DHRS7: variants seen among roughly 807,000 people sequenced by gnomAD.
DHRS7 encodes dehydrogenase/reductase SDR family member 7.
In DHRS7, 34 loss-of-function variants were observed where a neutral mutation model predicts 38.9. The observed-to-expected ratio is 0.87, with a 90% CI of 0.66 to 1.16. The LOEUF (loss-of-function observed/expected upper bound fraction) is 1.16. Among genes scored for constraint, DHRS7 ranks in the 50% most tolerant of loss-of-function variants. The pLI is 0.00. For missense variants in DHRS7, 421 were observed against 407.0 expected (o/e 1.03, Z -0.30); for synonymous variants, 158 against 153.1 (o/e 1.03, Z -0.24).
upstream of DHRS7, among the ~76,000 whole-genome samples, chr14:60,167,562 G>A (rs1488872185): frequency 3.3e-5 from 5 of 152,376 alleles, no homozygotes; most frequent in Admixed American, 3.3e-4. Context: ...GGTCAGCTAA[G>A]ATGAAGGCAG....
rs1896845519 is a variant in DHRS7 at position 60,165,262 on chromosome 14, G to A, written c.48C>T (p.Leu16=). The change falls in exon 1 of 7, where the codon CTC becomes CTT. Residue 16 remains leucine (L), a synonymous_variant. Transcript: ENST00000557185. This position sits in a 1 kb window ranked among gnomAD's most constrained non-coding sequence, Gnocchi z 4.6. The stretch of plus-strand genomic sequence containing the variant: ...AGCGCAGCAGCTGCACCAAGAGCAG[G>A]AGCAGCGCGCACAGCACCAGCAGCC... The part of the protein sequence containing the change: ...LLWLLVLCAL[L]LLLVQLLRFL... The A allele has an allele frequency of 6.2e-7, 1 of 1,605,632 alleles. No individual in the cohort carries two copies. Among genetic ancestry groups the A allele is most frequent in the African/African-American group, 1.3e-5 (1 of 74,996 alleles).
rs774460403 is a variant in DHRS7 at position 60,148,248 on chromosome 14, GTA to G, written c.972+1103_972+1104del. The G allele has an allele frequency of 6.6e-6, 1 of 152,104 alleles. No homozygotes were observed. The highest frequency in any genetic ancestry group is 1.9e-4 in the East Asian group (1 of 5,186). 9.4% of individuals were successfully genotyped at this position (152,104 alleles called of 1,614,324 possible). Reference sequence around the variant, plus strand: ...TAGTGGATTGCTTAAATTTTTGCAGGTATATATAGTATGATCTTGTTTTATAA... The same window carrying G: ...TAGTGGATTGCTTAAATTTTTGCAGGTATATAGTATGATCTTGTTTTATAA... On this transcript the variant is annotated intron_variant, in intron 6 of 6. Transcript: ENST00000557185. This position sits in a 1 kb window ranked among gnomAD's most constrained non-coding sequence, Gnocchi z 4.8.
In DHRS7 at chr14:60,149,421, G is replaced by A. The variant is rs922812738; in HGVS notation, c.904C>T (p.Pro302Ser). 2 of 1,613,990 alleles carry A rather than the reference G, an allele frequency of 1.2e-6. No homozygotes were observed. Among genetic ancestry groups the A allele is most frequent in the Admixed American group, 3.3e-5 (2 of 59,988 alleles). The change falls in exon 6 of 7, where the codon CCA becomes TCA. Residue 302 changes from proline (P) to serine (S), a missense_variant. Pro to Ser is a moderately conservative substitution (Grantham distance 74, BLOSUM62 -1). Transcript: ENST00000557185. ...LLVTYLWQYM[P>S]TWAWWITNKM... Reference sequence around the variant, plus strand: ...TTGGTTATCCACCAGGCCCAGGTTGGCATGTATTGCCACAAATATGTTACT... The same window carrying A: ...TTGGTTATCCACCAGGCCCAGGTTGACATGTATTGCCACAAATATGTTACT...
In DHRS7 at chr14:60,165,353, A is replaced by C. The variant is rs1307713899; in HGVS notation, c.-44T>G. 3.2e-6 allele frequency: 5 copies of C among 1,544,796 alleles called. No individual in the cohort carries two copies. The highest frequency in any genetic ancestry group is 3.5e-6 in the Non-Finnish European group (4 of 1,149,972). On this transcript the variant is annotated 5_prime_UTR_variant, in exon 1 of 7. Coordinates refer to ENST00000557185, the MANE Select transcript of DHRS7 (RefSeq NM_016029.4). This position sits in a 1 kb window ranked among gnomAD's most constrained non-coding sequence, Gnocchi z 4.6. ...GCTCGGGGGGAAGAAGACGGCCCGCACCAGAGTCGCGTCGCTGCCCTGCGG... is the reference window on the plus strand; with the variant it reads ...GCTCGGGGGGAAGAAGACGGCCCGCCCCAGAGTCGCGTCGCTGCCCTGCGG...
chr14:60,155,914 A>G (rs1414873536), intron 2 of DHRS7, 86 bp downstream of exon 2: 2 of 1,286,904 alleles, frequency 1.6e-6, no homozygotes, highest in Non-Finnish European at 1.0e-6. Context: ...GGGAAATCTC[A>G]CTCCTCTCTA....
chr14:60,157,968 C>T (rs555548819), intron 1 of DHRS7, among the ~76,000 whole-genome samples: 23 of 152,138 alleles, frequency 1.5e-4, no homozygotes, highest in Non-Finnish European at 2.6e-4. Context: ...TACGGTGGCT[C>T]ACATCTGTAA....
At chr14:60,164,900 GCT>G (rs1383455650) in intron 1 of DHRS7, among the ~76,000 whole-genome samples, 1 of 152,244 alleles carries the variant, frequency 6.6e-6, no homozygotes, top group African/African-American at 2.4e-5. Flanking sequence ...CGACTCCAGT[GCT>G]CTCTTAACAG....
At position 60,149,364 on chromosome 14, in the gene DHRS7, T is replaced by TA. The variant is rs758655714; in HGVS notation, c.960dup (p.Lys321Ter). ...GAAATTGGTCTTACCACACCACTCT[T>TA]AAAGTTCTCAATCCTTTTCTTCCCC... On this transcript the variant is annotated frameshift_variant, in exon 6 of 7. Transcript: ENST00000557185. LOFTEE classifies it high-confidence loss of function. The TA allele has an allele frequency of 6.2e-7, 1 of 1,614,148 alleles. No individual in the cohort carries two copies. Among genetic ancestry groups the TA allele is most frequent in the African/African-American group, 1.3e-5 (1 of 75,052 alleles).
rs755138812 is a variant in DHRS7 at position 60,145,237 on chromosome 14, G to A, written c.973-224C>T. Reference sequence around the variant, plus strand: ...AGTTTAGCATCATCTCTGGTTTAGAGGAGGTATAAATAGCATTGGACTGCA... The same window carrying A: ...AGTTTAGCATCATCTCTGGTTTAGAAGAGGTATAAATAGCATTGGACTGCA... On this transcript the variant is annotated intron_variant, in intron 6 of 6. Transcript: ENST00000557185. The surrounding 1 kb of genome is among the most constrained non-coding windows in gnomAD (Gnocchi z 4.0). 11 of 382,746 alleles carry A rather than the reference G, an allele frequency of 2.9e-5. No individual in the cohort carries two copies. Among genetic ancestry groups the A allele is most frequent in the East Asian group, 4.2e-5 (1 of 23,576 alleles). 23.7% of individuals were successfully genotyped at this position (382,746 alleles called of 1,614,324 possible).
chr14:60,160,051 T>C (rs1267202390), intron 1 of DHRS7, among the ~76,000 whole-genome samples: 2 of 152,214 alleles, frequency 1.3e-5, no homozygotes, highest in African/African-American at 4.8e-5. Context: ...TTTGGCCAGG[T>C]ACAGTGGCTC....
chr14:60,153,729 G>A lies in DHRS7; in HGVS notation c.393+230C>T, dbSNP rs1896597426. ...TAAATAAATAAATAAAAGCAGCCGTGAATTTTTAGCTTCTTTTGTTCTACA... is the reference window on the plus strand; with the variant it reads ...TAAATAAATAAATAAAAGCAGCCGTAAATTTTTAGCTTCTTTTGTTCTACA... On this transcript the variant is annotated intron_variant, in intron 3 of 6. Coordinates refer to ENST00000557185, the MANE Select transcript of DHRS7 (RefSeq NM_016029.4). This position sits in a 1 kb window ranked among gnomAD's most constrained non-coding sequence, Gnocchi z 4.4. Among the ~76,000 whole-genome samples the A allele has an allele frequency of 1.3e-5, 2 of 151,134 alleles. No homozygotes were observed. The highest frequency in any genetic ancestry group is 4.9e-5 in the African/African-American group (2 of 40,530).
In DHRS7 at chr14:60,156,991, G is replaced by A. The variant is rs902129385; in HGVS notation, c.134-839C>T. Among the ~76,000 whole-genome samples the A allele has an allele frequency of 6.6e-5, 10 of 152,224 alleles. No homozygotes were observed. The South Asian group carries it at 8.3e-4, about 13-fold the overall frequency. ...TGATATTCACTGTCTCTCTGAACCC[G>A]TAAAGTCACTGTTATGCAAAGTTCC... On this transcript the variant is annotated intron_variant, in intron 1 of 6. Transcript: ENST00000557185.
At chr14:60,159,312 AAAAGC>A (rs1896717507) in intron 1 of DHRS7, 1 of 436,456 alleles carries the variant, frequency 2.3e-6, no homozygotes, top group South Asian at 2.0e-5. Flanking sequence ...AACTGACACA[AAAAGC>A]AAAAGAAAAT....
chr14:60,156,584 T>C (rs1435163953), intron 1 of DHRS7, among the ~76,000 whole-genome samples: 1 of 152,252 alleles, frequency 6.6e-6, no homozygotes, highest in Non-Finnish European at 1.5e-5. Flanking sequence ...AGATGATGGC[T>C]GAAGGTCACA....
chr14:60,165,313 G>T lies in DHRS7; in HGVS notation c.-4C>A. ...ACAGCAGCAGCTCCCAGTTCATTGC[G>T]GCCGCGCACGCCCAGCTCGGGGGGA... On this transcript the variant is annotated 5_prime_UTR_variant, in exon 1 of 7. Coordinates refer to ENST00000557185, the MANE Select transcript of DHRS7 (RefSeq NM_016029.4). This position sits in a 1 kb window ranked among gnomAD's most constrained non-coding sequence, Gnocchi z 4.6. 1 of 1,577,736 alleles carries T rather than the reference G, an allele frequency of 6.3e-7. No individual in the cohort carries two copies. Among genetic ancestry groups the T allele is most frequent in the Non-Finnish European group, 8.6e-7 (1 of 1,165,626 alleles).
chr14:60,166,793 A>G (rs1896873316), upstream of DHRS7, among the ~76,000 whole-genome samples: 1 of 152,206 alleles, frequency 6.6e-6, no homozygotes, highest in South Asian at 2.1e-4. Flanking sequence ...TATTGTTCCA[A>G]TGGAACTTTA....
At chr14:60,156,912 T>C (rs1896670811) in intron 1 of DHRS7, among the ~76,000 whole-genome samples, 1 of 152,224 alleles carries the variant, frequency 6.6e-6, no homozygotes, top group Admixed American at 6.5e-5. Flanking sequence ...ACTAAAGCAA[T>C]GACAAATGGT....
At chr14:60,168,070 T>C (rs1282643581), upstream of DHRS7, among the ~76,000 whole-genome samples, 1 of 152,240 alleles carries the variant, frequency 6.6e-6, no homozygotes, top group East Asian at 1.9e-4. Flanking sequence ...TCTAGTTTTC[T>C]GATATTCTTC....
At chr14:60,150,231 C>T in intron 4 of DHRS7, 44 bp from the exon 5 acceptor site, 1 of 1,408,286 alleles carries the variant, frequency 7.1e-7, no homozygotes, top group South Asian at 1.5e-5. Context: ...CAAATAAATA[C>T]AGACACATAT....
Sources: allele counts gnomAD v4.1 joint callset (sites outside exome capture counted in the v4.1 genomes callset), GRCh38; gene constraint gnomAD v4.1.1; non-coding constraint Gnocchi (gnomAD v3.1); transcripts MANE v1.5; gene names NCBI Gene and HGNC (gene_info 2026-07-23, HGNC 2026-07-21).